The following ZNF155 variants were observed in gnomAD, a reference collection of about 807,000 sequenced individuals.
ZNF155 encodes the protein KRAB A domain.
Under a neutral mutation model 11.9 loss-of-function variants are expected in ZNF155, and 15 were observed. The ratio of observed to expected loss-of-function variants is 1.26; its 90% CI spans 0.84 to 1.94. The LOEUF is 1.94. Among genes scored for constraint, ZNF155 ranks in the 30% most tolerant of loss-of-function variants. The pLI is 0.00. For missense variants in ZNF155, 602 were observed against 639.1 expected, an observed-to-expected ratio of 0.94 and a Z score of 0.63; for synonymous variants, 212 against 219.9, an observed-to-expected ratio of 0.96 and a Z score of 0.32.
intron 4 of ZNF155, among the ~76,000 whole-genome samples, chr19:43,993,425 T>A (rs2147391859): frequency 6.6e-6 from 1 of 152,284 alleles, no homozygotes; most frequent in Non-Finnish European, 1.5e-5. Context: ...TTAATTTAAT[T>A]TATTTTTGAG....
intron 2 of ZNF155, chr19:43,989,915 A>G: frequency 1.6e-6 from 1 of 606,192 alleles, no homozygotes; most frequent in Non-Finnish European, 2.6e-6. Flanking sequence ...GGACACTAAA[A>G]GGCCAATGTA....
rs141485988 is a variant in ZNF155 at position 43,990,430 on chromosome 19, G to A, written c.16-1118G>A. Among the ~76,000 whole-genome samples, 464 of 152,304 alleles carry A rather than the reference G, an allele frequency of 3.0e-3. 4 individuals are homozygous for A. Among genetic ancestry groups the A allele is most frequent in the African/African-American group, 0.011 (437 of 41,552 alleles). ...CTAATGTTCATTAAACAGTGGCACAGATGTTTCCAAATGCTATGTATTTCC... is the reference window on the plus strand; with the variant it reads ...CTAATGTTCATTAAACAGTGGCACAAATGTTTCCAAATGCTATGTATTTCC... On this transcript the variant is annotated intron_variant, in intron 2 of 4. Transcript: ENST00000270014.
chr19:43,984,919 A>C (rs1975383026), intron 1 of ZNF155, among the ~76,000 whole-genome samples: 1 of 152,112 alleles, frequency 6.6e-6, no homozygotes, highest in Non-Finnish European at 1.5e-5. Flanking sequence ...AGAGTGTTTG[A>C]CAGCTTTCTC....
chr19:43,984,320 G>C (rs867567050), intron 1 of ZNF155, 75 bp downstream of exon 1: 3 of 152,298 alleles, frequency 2.0e-5, no homozygotes. Context: ...GTCAACTAAG[G>C]GGGTAAGAAG....
chr19:43,990,708 T>C (rs886782995), intron 2 of ZNF155, among the ~76,000 whole-genome samples: 3 of 152,204 alleles, frequency 2.0e-5, no homozygotes, highest in African/African-American at 7.2e-5. Flanking sequence ...TGGAGTAGGT[T>C]CACTGTGCAC....
In ZNF155 at chr19:43,997,617, AGT is replaced by A; in HGVS notation, c.*144_*145del. 1 of 852,930 alleles carries A rather than the reference AGT, an allele frequency of 1.2e-6. No homozygotes were observed. Among genetic ancestry groups the A allele is most frequent in the Non-Finnish European group, 1.7e-6 (1 of 577,172 alleles). The allele number at this position is 852,930 out of a possible 1,614,324, so 52.8% of individuals were successfully genotyped here. A position where few individuals can be genotyped will look rare whatever the true frequency, so the allele number is the denominator to read the frequency against. ...GAAAATTCAAAATCCATTTGAGAGG[AGT>A]TGGTAGACAGCAAGGGAAGGGTCCC... On this transcript the variant is annotated 3_prime_UTR_variant, in exon 5 of 5. Coordinates refer to ENST00000270014, the MANE Select transcript of ZNF155 (RefSeq NM_198089.3).
chr19:43,996,959 G>A lies in ZNF155; in HGVS notation c.1102G>A (p.Gly368Arg). 1.2e-6 allele frequency: 2 copies of A among 1,610,120 alleles called. No homozygotes were observed. Among genetic ancestry groups the A allele is most frequent in the Non-Finnish European group, 1.7e-6 (2 of 1,177,506 alleles). ...DFYKHQVVHT[G>R]EKPYNCKECG... is the part of the protein sequence containing the mutation. ...TTATAAGCATCAGGTGGTCCACACAGGAGAAAAACCATATAATTGTAAAGA... is the reference window on the plus strand; with the variant it reads ...TTATAAGCATCAGGTGGTCCACACAAGAGAAAAACCATATAATTGTAAAGA... The change falls in exon 5 of 5, where the codon GGA (glycine) becomes AGA (arginine). Residue 368 changes from glycine (G) to arginine (R), a missense_variant. Transcript: ENST00000270014.
chr19:43,985,289 G>C (rs1303539989), intron 1 of ZNF155, among the ~76,000 whole-genome samples: 1 of 151,946 alleles, frequency 6.6e-6, no homozygotes, highest in Admixed American at 6.6e-5. Flanking sequence ...TCGAACCTGT[G>C]GTCCTAAGTG....
At chr19:43,987,269 C>T (rs759844635) in intron 1 of ZNF155, among the ~76,000 whole-genome samples, 2 of 152,156 alleles carry the variant, frequency 1.3e-5, no homozygotes, top group Non-Finnish European at 2.9e-5. Context: ...CTACCCTACC[C>T]TTTACCCTGA....
At chr19:43,984,898 G>T (rs1470741564) in intron 1 of ZNF155, among the ~76,000 whole-genome samples, 2 of 152,128 alleles carry the variant, frequency 1.3e-5, no homozygotes, top group Non-Finnish European at 1.5e-5. Flanking sequence ...TTGTATCCGG[G>T]ACGGCGACGC....
chr19:43,988,436 C>T (rs1975537798), intron 1 of ZNF155, 23 bp from the exon 2 acceptor site: 1 of 1,239,022 alleles, frequency 8.1e-7, no homozygotes, highest in Non-Finnish European at 1.1e-6. Context: ...TAATTCACAA[C>T]ACACATCTCT....
rs1975951886 is a variant in ZNF155, at chr19:43,997,540, C to G, written c.*66C>G. On this transcript the variant is annotated 3_prime_UTR_variant, in exon 5 of 5. Transcript: ENST00000270014. ...TGCATACAATTTATAGTGATCCAAT[C>G]AGTGTAATTGGTGTATCTGTTACCT... 7.7e-7 allele frequency: 1 copy of G among 1,292,908 alleles called. No individual in the cohort carries two copies. The highest frequency in any genetic ancestry group is 1.1e-6 in the Non-Finnish European group (1 of 950,896). 80.1% of individuals were successfully genotyped at this position (1,292,908 alleles called of 1,614,324 possible).
Position 43,996,775 on chromosome 19 carries a change from T to C in ZNF155, c.918T>C (p.His306=). 6.2e-7 allele frequency: 1 copy of C among 1,614,164 alleles called. No homozygotes were observed. Among genetic ancestry groups the C allele is most frequent in the Non-Finnish European group, 8.5e-7 (1 of 1,180,026 alleles). ...TFYFRSRLKS[H]SMVHTGEKPF... The stretch of plus-strand genomic sequence containing the variant: ...ATTTTAGGTCAAGACTTAAGAGCCA[T>C]TCCATGGTTCACACAGGAGAAAAAC... The change falls in exon 5 of 5, where the codon CAT becomes CAC. Residue 306 remains histidine, a synonymous_variant. Transcript: ENST00000270014.
At chr19:43,985,269 C>T (rs1975396609) in intron 1 of ZNF155, among the ~76,000 whole-genome samples, 1 of 151,936 alleles carries the variant, frequency 6.6e-6, no homozygotes, top group African/African-American at 2.4e-5. Flanking sequence ...CCATGTTGGC[C>T]AGGCTGGTCT....
chr19:43,995,103 G>T (rs1355379791), intron 4 of ZNF155, among the ~76,000 whole-genome samples: 1 of 150,126 alleles, frequency 6.7e-6, no homozygotes, highest in Non-Finnish European at 1.5e-5. Flanking sequence ...TTTTGGTTAG[G>T]TTAACTTTTT....
intron 2 of ZNF155, among the ~76,000 whole-genome samples, chr19:43,989,227 G>T (rs913256131): frequency 6.6e-6 from 1 of 152,338 alleles, no homozygotes; most frequent in East Asian, 1.9e-4. Flanking sequence ...TTTCACACTG[G>T]AAGAGCTAGA....
intron 4 of ZNF155, among the ~76,000 whole-genome samples, chr19:43,993,013 TTGAA>T (rs1975718505): frequency 6.6e-6 from 1 of 152,236 alleles, no homozygotes; most frequent in Non-Finnish European, 1.5e-5. Context: ...GAAATTCTTT[TTGAA>T]TGAGGATTTC....
At chr19:43,993,633 C>T (rs955477409) in intron 4 of ZNF155, among the ~76,000 whole-genome samples, 2 of 152,090 alleles carry the variant, frequency 1.3e-5, no homozygotes, top group East Asian at 1.9e-4. Context: ...AGGCTGGTCT[C>T]GAACTCCTGA....
intron 1 of ZNF155, among the ~76,000 whole-genome samples, chr19:43,987,179 C>T (rs1975490680): frequency 6.6e-6 from 1 of 152,116 alleles, no homozygotes; most frequent in African/African-American, 2.4e-5. Context: ...TAGCATATTC[C>T]ATAACATCAT....
Sources: allele counts gnomAD v4.1 joint callset (sites outside exome capture counted in the v4.1 genomes callset), GRCh38; gene constraint gnomAD v4.1.1; transcripts MANE v1.5; gene names NCBI Gene and HGNC (gene_info 2026-07-23, HGNC 2026-07-21).